The following CPEB3 variants were observed in gnomAD, a reference collection of about 807,000 sequenced individuals.
CPEB3 encodes the protein cytoplasmic polyadenylation element-binding protein 3.
Under a neutral mutation model 67.2 loss-of-function variants are expected in CPEB3, and 20 were observed. That is an observed-to-expected ratio of 0.30 (90% CI 0.21 to 0.43). The LOEUF (loss-of-function observed/expected upper bound fraction) is 0.43, where lower values mean the gene tolerates loss of function less well. CPEB3 is among the 20% of genes least tolerant of loss of function. CPEB3 has a pLI of 1.00. For missense variants in CPEB3, 746 were observed against 968.6 expected (o/e 0.77, Z 3.05); for synonymous variants, 376 against 393.1 (o/e 0.96, Z 0.51).
Position 92,269,202 on chromosome 10 carries a change from T to G in CPEB3, c.-12+21724A>C, listed in dbSNP as rs139307239. Among the ~76,000 whole-genome samples the G allele has an allele frequency of 2.0e-5, 3 of 151,414 alleles. No homozygotes were observed. In the South Asian group the frequency reaches 6.2e-4, roughly 31 times the overall value. On this transcript the variant is annotated intron_variant, in intron 1 of 9. Transcript: ENST00000265997. The stretch of plus-strand genomic sequence containing the variant: ...AAAAAGGCTTCAAGATATCAACAGC[T>G]AAAATTCCCAGCAGCTAAGGGATCA...
Position 92,139,749 on chromosome 10 carries a change from C to T in CPEB3, c.1453+3280G>A, listed in dbSNP as rs530587305. Among the ~76,000 whole-genome samples, 555 of 152,084 alleles carry T rather than the reference C, an allele frequency of 3.6e-3. 3 individuals carry two copies. The highest frequency in any genetic ancestry group is 0.012 in the African/African-American group (508 of 41,506). Reference sequence around the variant, plus strand: ...TGAGGTGATGAATACCCCATTTACCCTGATGTGATTATTACATACTGTATG... The same window carrying T: ...TGAGGTGATGAATACCCCATTTACCTTGATGTGATTATTACATACTGTATG... On this transcript the variant is annotated intron_variant, in intron 6 of 9. Coordinates refer to ENST00000265997, the MANE Select transcript of CPEB3 (RefSeq NM_014912.5).
intron 6 of CPEB3, among the ~76,000 whole-genome samples, chr10:92,139,254 A>T (rs1255180629): frequency 6.6e-6 from 1 of 151,342 alleles, no homozygotes; most frequent in East Asian, 1.9e-4. Context: ...TCCAGCTTAG[A>T]CAACAAGAGT....
intron 2 of CPEB3, among the ~76,000 whole-genome samples, chr10:92,220,838 G>C (rs570270690): frequency 1.3e-5 from 2 of 152,156 alleles, no homozygotes; most frequent in Non-Finnish European, 2.9e-5. Flanking sequence ...GTAAGTAGTA[G>C]ATAATTGGTT....
chr10:92,287,799 A>G (rs1842602239), intron 1 of CPEB3, among the ~76,000 whole-genome samples: 3 of 152,328 alleles, frequency 2.0e-5, no homozygotes, highest in Non-Finnish European at 4.4e-5. Context: ...ACAAAATTAT[A>G]TAACCAGAAC....
chr10:92,124,374 T>C (rs1040113207), intron 6 of CPEB3, among the ~76,000 whole-genome samples: 1 of 152,248 alleles, frequency 6.6e-6, no homozygotes, highest in African/African-American at 2.4e-5. Context: ...CAAGTGTTTA[T>C]AAAAGTGTAA....
chr10:92,248,352 G>A (rs370794758), intron 1 of CPEB3, among the ~76,000 whole-genome samples: 22 of 152,116 alleles, frequency 1.4e-4, no homozygotes, highest in African/African-American at 5.1e-4. Context: ...AAATATTTTT[G>A]ATCTGTGGTT....
intron 2 of CPEB3, among the ~76,000 whole-genome samples, chr10:92,219,723 T>C (rs1018842429): frequency 6.6e-6 from 1 of 152,140 alleles, no homozygotes; most frequent in African/African-American, 2.4e-5. Context: ...CCAGAGTTAA[T>C]AGGTAAAATG....
chr10:92,187,974 T>C (rs993236010), intron 3 of CPEB3, among the ~76,000 whole-genome samples: 2 of 152,034 alleles, frequency 1.3e-5, no homozygotes, highest in Admixed American at 1.3e-4. Flanking sequence ...GGTGGAAGGA[T>C]TGCTTGAGCT....
chr10:92,175,434 A>G (rs1848182071), intron 4 of CPEB3, among the ~76,000 whole-genome samples: 1 of 151,668 alleles, frequency 6.6e-6, no homozygotes, highest in African/African-American at 2.4e-5. Flanking sequence ...ATACGTTTTC[A>G]TTTTTTCTCT....
At position 92,157,747 on chromosome 10, in the gene CPEB3, T is replaced by C. The variant is rs1013474167; in HGVS notation, c.1223-12662A>G. 2.0e-5 allele frequency among the ~76,000 whole-genome samples: 3 copies of C among 152,170 alleles called. No individual in the cohort carries two copies. In the South Asian group the frequency reaches 6.2e-4, roughly 32 times the overall value. On this transcript the variant is annotated intron_variant, in intron 4 of 9. Transcript: ENST00000265997. ...ACAATGAATACAGGGCAGAAAAATA[T>C]ATATGTTTGGCCTTTATTTCCTCAT...
intron 7 of CPEB3, among the ~76,000 whole-genome samples, chr10:92,093,500 T>C (rs916070149): frequency 6.6e-6 from 1 of 152,010 alleles, no homozygotes; most frequent in Admixed American, 6.6e-5. Context: ...TTAGAAACAG[T>C]CTACACTTTT....
chr10:92,121,111 A>C (rs7919699), intron 6 of CPEB3, among the ~76,000 whole-genome samples: 100,729 of 151,138 alleles, frequency 0.67, 34,721 homozygotes, highest in African/African-American at 0.84. Flanking sequence ...TGGGTTCAAG[A>C]GATTCTCCTG....
chr10:92,201,381 A>C (rs927845077), intron 2 of CPEB3, among the ~76,000 whole-genome samples: 1 of 152,194 alleles, frequency 6.6e-6, no homozygotes, highest in African/African-American at 2.4e-5. Context: ...TATAAAAATT[A>C]GCCGGGCATA....
intron 1 of CPEB3, among the ~76,000 whole-genome samples, chr10:92,277,752 A>C (rs1275908099): frequency 1.3e-5 from 2 of 151,926 alleles, no homozygotes; most frequent in African/African-American, 4.8e-5. Flanking sequence ...TCAGCCGGGC[A>C]TGGTGGCAGG....
chr10:92,059,445 G>A (rs1317112699), intron 9 of CPEB3, among the ~76,000 whole-genome samples: 1 of 151,492 alleles, frequency 6.6e-6, no homozygotes, highest in African/African-American at 2.4e-5. Flanking sequence ...AAATGATAAT[G>A]AAAACACAAC....
intron 1 of CPEB3, among the ~76,000 whole-genome samples, chr10:92,253,350 C>A (rs2134809670): frequency 6.6e-6 from 1 of 151,138 alleles, no homozygotes; most frequent in Non-Finnish European, 1.5e-5. Context: ...GTCCCAGCTA[C>A]TCGGGAGGCT....
chr10:92,118,081 G>C (rs1321338704), intron 6 of CPEB3, among the ~76,000 whole-genome samples: 1 of 152,120 alleles, frequency 6.6e-6, no homozygotes, highest in Non-Finnish European at 1.5e-5. Context: ...CCCTAATACA[G>C]AACTTGCCTT....
chr10:92,061,755 AC>A (rs1285342579), intron 9 of CPEB3, among the ~76,000 whole-genome samples: 2 of 152,078 alleles, frequency 1.3e-5, no homozygotes, highest in African/African-American at 4.8e-5. Context: ...AATGAATAAG[AC>A]CTACTATTTC....
At chr10:92,089,923 T>TA (rs1843544855) in intron 8 of CPEB3, among the ~76,000 whole-genome samples, 1 of 152,246 alleles carries the variant, frequency 6.6e-6, no homozygotes, top group Admixed American at 6.5e-5. Context: ...TACCAAATGT[T>TA]AAAGAATATA....
Sources: allele counts gnomAD v4.1 joint callset (sites outside exome capture counted in the v4.1 genomes callset), GRCh38; gene constraint gnomAD v4.1.1; transcripts MANE v1.5; gene names NCBI Gene and HGNC (gene_info 2026-07-23, HGNC 2026-07-21).